The following CFAP46 variants were observed in gnomAD, a reference collection of about 807,000 sequenced individuals.
The protein encoded by CFAP46 is cilia- and flagella-associated protein 46.
A neutral mutation model predicts 325.7 loss-of-function variants in CFAP46; 245 were observed. The observed-to-expected ratio is 0.75, with a 90% CI of 0.68 to 0.84. CFAP46 has a LOEUF of 0.84. Among genes scored for constraint, CFAP46 ranks in the 40% least tolerant of loss-of-function variants. The probability of loss-of-function intolerance (pLI) is 0.00; values close to 1 mark genes in which losing one functional copy is unlikely to be tolerated. For synonymous variants in CFAP46, 1,523 were observed against 1,495.9 expected (o/e 1.02, Z -0.42); for missense variants, 3,346 against 3,543.0 (o/e 0.94, Z 1.41).
In CFAP46 at chr10:132,827,739, C is replaced by T. The variant is rs1175111387; in HGVS notation, c.7117+5619G>A. Among the ~76,000 whole-genome samples the T allele has an allele frequency of 1.3e-5, 2 of 152,090 alleles. No homozygotes were observed. The highest frequency in any genetic ancestry group is 4.8e-5 in the African/African-American group (2 of 41,404). On this transcript the variant is annotated intron_variant, in intron 50 of 57. Transcript: ENST00000368586. The surrounding 1 kb of genome is among the most constrained non-coding windows in gnomAD (Gnocchi z 5.7). ...GCTTCCCCAAAATGCCTGCAACCCT[C>T]CCTCCTGCACCCACGACCCTCCCCC...
At chr10:132,825,242 CTGA>C (rs1441151759) in intron 50 of CFAP46, among the ~76,000 whole-genome samples, 10 of 126,336 alleles carry the variant, frequency 7.9e-5, no homozygotes, top group Admixed American at 3.1e-4. Context: ...TGTGTGTGCC[CTGA>C]TGTGTGCTGT....
At chr10:132,870,704 T>C (rs1302225061) in intron 32 of CFAP46, among the ~76,000 whole-genome samples, 3 of 152,200 alleles carry the variant, frequency 2.0e-5, no homozygotes, top group Admixed American at 6.5e-5. Flanking sequence ...CAGAAGAAGT[T>C]TGAAGCGGCA....
At chr10:132,942,348 T>C (rs56100128) in intron 1 of CFAP46, 88 bp downstream of exon 1, 379,391 of 977,872 alleles carry the variant, frequency 0.39, 93,622 homozygotes, top group Admixed American at 0.55. Context: ...CGGGCTGGGA[T>C]GAGAGGGTCC....
rs149848237 is a variant in CFAP46, at chr10:132,913,352, G to A, written c.2121-94C>T. On this transcript the variant is annotated intron_variant, in intron 17 of 57. Coordinates refer to ENST00000368586, the MANE Select transcript of CFAP46 (RefSeq NM_001200049.3). ...TGCGGGGCCTGTTAGGAACCAGGCT[G>A]CAGGGCAAGAAGTGGGAGGGGCGGG... 1.5e-3 allele frequency: 978 copies of A among 669,922 alleles called. 3 individuals carry two copies. The highest frequency in any genetic ancestry group is 2.1e-3 in the Admixed American group (80 of 37,246). 41.5% of individuals were successfully genotyped at this position (669,922 alleles called of 1,614,324 possible).
chr10:132,920,230 C>T, intron 13 of CFAP46, 48 bp from the exon 14 acceptor site: 1 of 1,486,392 alleles, frequency 6.7e-7, no homozygotes, highest in Non-Finnish European at 9.0e-7. Context: ...TGGCCAAGGG[C>T]CGGGGACGTG....
intron 11 of CFAP46, among the ~76,000 whole-genome samples, chr10:132,923,220 CG>C (rs1849755084): frequency 8.0e-6 from 1 of 124,768 alleles, no homozygotes; most frequent in African/African-American, 3.1e-5. Flanking sequence ...GTGCCCCGGA[CG>C]CCCTGGCCTC....
intron 13 of CFAP46, among the ~76,000 whole-genome samples, chr10:132,921,120 G>A (rs920114399): frequency 2.6e-5 from 4 of 152,228 alleles, no homozygotes; most frequent in Non-Finnish European, 5.9e-5. Context: ...TCTCAGACCC[G>A]AGACATGACC....
intron 39 of CFAP46, among the ~76,000 whole-genome samples, chr10:132,854,632 C>T (rs55833715): frequency 0.054 from 8,258 of 152,158 alleles, 306 homozygotes; most frequent in Non-Finnish European, 0.077. Context: ...CCACTGTGCC[C>T]GGCCAGCTTT....
intron 39 of CFAP46, among the ~76,000 whole-genome samples, chr10:132,854,077 A>G (rs1848602939): frequency 6.6e-6 from 1 of 151,830 alleles, no homozygotes; most frequent in African/African-American, 2.4e-5. Context: ...CTCTTTTTAT[A>G]GTTTTGTAAG....
intron 20 of CFAP46, 37 bp downstream of exon 20, chr10:132,909,882 C>A: frequency 7.2e-7 from 1 of 1,391,420 alleles, no homozygotes; most frequent in Non-Finnish European, 9.3e-7. Context: ...GTCCACAGGG[C>A]CTCAGTCAGA....
intron 34 of CFAP46, 25 bp downstream of exon 34, chr10:132,867,350 G>A (rs1848830605): frequency 1.3e-6 from 2 of 1,542,764 alleles, no homozygotes; most frequent in South Asian, 2.4e-5. Flanking sequence ...CTGCGGGTCA[G>A]AGGGATTCTG....
At position 132,892,327 on chromosome 10, in the gene CFAP46, A is replaced by G; in HGVS notation, c.3304+6T>C. 6.4e-7 allele frequency: 1 copy of G among 1,550,764 alleles called. No individual in the cohort carries two copies. The highest frequency in any genetic ancestry group is 1.2e-5 in the South Asian group (1 of 84,058). ...AGCCTGTGGGTCTGTCTGTCCTGCTACAAACCTGGAAGAAAATATCCTTCG... is the reference window on the plus strand; with the variant it reads ...AGCCTGTGGGTCTGTCTGTCCTGCTGCAAACCTGGAAGAAAATATCCTTCG... On this transcript the variant is annotated splice_donor_region_variant and intron_variant, in intron 25 of 57. Transcript: ENST00000368586.
At chr10:132,825,133 TGTGTGTG>T (rs1322482417) in intron 50 of CFAP46, among the ~76,000 whole-genome samples, 7 of 146,596 alleles carry the variant, frequency 4.8e-5, no homozygotes, top group African/African-American at 1.6e-4. Context: ...CTGTGTGCTG[TGTGTGTG>T]GTGATGTGTG....
At chr10:132,932,377 C>T (rs1372008326) in intron 8 of CFAP46, among the ~76,000 whole-genome samples, 3 of 147,162 alleles carry the variant, frequency 2.0e-5, no homozygotes, top group East Asian at 4.2e-4. Flanking sequence ...CTCCTCCCCA[C>T]GCAGAGGCTG....
rs367821376 is a variant in CFAP46, at chr10:132,885,833, G to C, written c.3431C>G (p.Thr1144Arg). 1.9e-6 allele frequency: 3 copies of C among 1,549,220 alleles called. No individual in the cohort carries two copies. The Middle Eastern group carries it at 5.3e-4, about 273-fold the overall frequency. ...GGGGAGCACTCACAGGCGGTGGGCC[G>C]TCCTTGGCAGCACCTGCACAGCCTC... ...LDEAVQVLPRTAHRLLIFKHM... is the reference protein window; with the variant it reads ...LDEAVQVLPRRAHRLLIFKHM... Residue 1144 changes from threonine (T) to arginine (R), a missense_variant, in exon 26 of 58, where the codon ACG becomes AGG. Physicochemically the swap from Thr to Arg is moderately conservative, Grantham distance 71 (BLOSUM62 -1). Transcript: ENST00000368586.
chr10:132,874,043 G>A (rs1348858157), intron 31 of CFAP46, among the ~76,000 whole-genome samples: 1 of 152,150 alleles, frequency 6.6e-6, no homozygotes, highest in Non-Finnish European at 1.5e-5. Flanking sequence ...CTTTACCAGG[G>A]AATTCTTCCA....
intron 21 of CFAP46, among the ~76,000 whole-genome samples, chr10:132,908,842 T>C (rs993078590): frequency 6.6e-6 from 1 of 152,222 alleles, no homozygotes; most frequent in African/African-American, 2.4e-5. Context: ...CAGGGTGTCC[T>C]GGACACGGGA....
At chr10:132,849,543 G>A (rs1178609893) in intron 41 of CFAP46, among the ~76,000 whole-genome samples, 1 of 152,230 alleles carries the variant, frequency 6.6e-6, no homozygotes, top group African/African-American at 2.4e-5. Context: ...GTTTAGGAAG[G>A]TGACCTGGGG....
intron 11 of CFAP46, 118 bp downstream of exon 11, chr10:132,924,578 G>T: frequency 2.0e-6 from 2 of 1,010,100 alleles, no homozygotes; most frequent in Non-Finnish European, 2.7e-6. Context: ...TGAGTACAGG[G>T]GGAGTCTGTT....
Sources: allele counts gnomAD v4.1 joint callset (sites outside exome capture counted in the v4.1 genomes callset), GRCh38; gene constraint gnomAD v4.1.1; non-coding constraint Gnocchi (gnomAD v3.1); transcripts MANE v1.5; gene names NCBI Gene and HGNC (gene_info 2026-07-23, HGNC 2026-07-21).